INTS4: variants seen among roughly 807,000 people sequenced by gnomAD.
INTS4 encodes integrator complex subunit 4, also known as MSTP093.
A neutral mutation model predicts 119.5 loss-of-function variants in INTS4; 70 were observed. That is an observed-to-expected ratio of 0.59 (90% CI 0.48 to 0.71). The LOEUF (loss-of-function observed/expected upper bound fraction) is 0.71, where lower values mean the gene tolerates loss of function less well. INTS4 is among the 30% of genes least tolerant of loss of function. The probability of loss-of-function intolerance (pLI) is 0.00; values close to 1 mark genes in which losing one functional copy is unlikely to be tolerated. For synonymous variants in INTS4, 316 were observed against 419.6 expected (o/e 0.75, Z 3.02); for missense variants, 867 against 1,173.2 (o/e 0.74, Z 3.81).
At chr11:77,948,598 G>A (rs189660364) in intron 8 of INTS4, among the ~76,000 whole-genome samples, 82 of 145,112 alleles carry the variant, frequency 5.7e-4, no homozygotes, top group African/African-American at 1.8e-3. Context: ...AGTGAGTTGA[G>A]ATCACACCAG....
In INTS4 at chr11:77,925,493, A is replaced by G. The variant is rs544062596; in HGVS notation, c.1372-601T>C. ...TCTCTCAATTTATTAAAAAAACACA[A>G]TATCTGCAAAGCCCAATAAAGAGAG... is the stretch of plus-strand genomic sequence containing the variant. On this transcript the variant is annotated intron_variant, in intron 11 of 22. Coordinates refer to ENST00000534064, the MANE Select transcript of INTS4 (RefSeq NM_033547.4). Among the ~76,000 whole-genome samples, 3 of 152,336 alleles carry G rather than the reference A, an allele frequency of 2.0e-5. No homozygotes were observed. The South Asian group carries it at 6.2e-4, about 32-fold the overall frequency.
At chr11:77,953,137 C>G (rs1213994212) in intron 8 of INTS4, among the ~76,000 whole-genome samples, 2 of 152,162 alleles carry the variant, frequency 1.3e-5, no homozygotes, top group East Asian at 1.9e-4. Context: ...AGCAAATACT[C>G]CCATAAATAC....
At chr11:77,876,467 G>A (rs1327637753), downstream of INTS4, among the ~76,000 whole-genome samples, 2 of 150,482 alleles carry the variant, frequency 1.3e-5, no homozygotes, top group Non-Finnish European at 2.9e-5. Context: ...AAATTCTCAT[G>A]TTCCCCAGAA....
At chr11:77,928,575 C>T in intron 10 of INTS4, 28 bp from the exon 11 acceptor site, 1 of 1,548,098 alleles carries the variant, frequency 6.5e-7, no homozygotes, top group South Asian at 1.2e-5. Context: ...TGAAATTGCA[C>T]ATCAGGCTGG....
chr11:77,966,759 TAAGTC>T (rs1394085907), intron 4 of INTS4, among the ~76,000 whole-genome samples: 1 of 152,252 alleles, frequency 6.6e-6, no homozygotes, highest in Non-Finnish European at 1.5e-5. Flanking sequence ...GTTTTGCTAT[TAAGTC>T]TTTTGTGGTT....
chr11:77,900,663 A>G (rs1207333690), intron 18 of INTS4: 1 of 692,844 alleles, frequency 1.4e-6, no homozygotes, highest in African/African-American at 1.8e-5. Context: ...CATTCTTAAG[A>G]TGCACCTTTA....
chr11:77,891,741 G>A lies in INTS4; in HGVS notation c.2388C>T (p.Val796=). ...GTCGCAGCATGGTCTGTAGAATTTT[G>A]ACCACTTCTGCAGGTTTGGATGTCA... is the stretch of plus-strand genomic sequence containing the variant. ...RLMTSKPAEV[V]KILQTMLRQS... Residue 796 remains valine, a synonymous_variant, in exon 20 of 23, where the codon GTC becomes GTT. Coordinates refer to ENST00000534064, the MANE Select transcript of INTS4 (RefSeq NM_033547.4). 6.2e-7 allele frequency: 1 copy of A among 1,611,950 alleles called. No homozygotes were observed. The highest frequency in any genetic ancestry group is 8.5e-7 in the Non-Finnish European group (1 of 1,179,838).
intron 7 of INTS4, among the ~76,000 whole-genome samples, chr11:77,957,072 C>T (rs1269667722): frequency 6.6e-6 from 1 of 152,030 alleles, no homozygotes; most frequent in African/African-American, 2.4e-5. Context: ...GTAGCCGGGA[C>T]TACAAAAGCA....
rs373301977 is a variant in INTS4, at chr11:77,992,290, C to T, written c.55-991G>A. Among the ~76,000 whole-genome samples, 95 of 151,836 alleles carry T rather than the reference C, an allele frequency of 6.3e-4. 2 individuals are homozygous for T. Among genetic ancestry groups the T allele is most frequent in the African/African-American group, 2.3e-3 (94 of 41,448 alleles). Reference sequence around the variant, plus strand: ...GTGTATGCCTGCAGTCCCAGCTATGCAGGAGGCTGAGGATTGCGTGAACCC... The same window carrying T: ...GTGTATGCCTGCAGTCCCAGCTATGTAGGAGGCTGAGGATTGCGTGAACCC... On this transcript the variant is annotated intron_variant, in intron 1 of 22. Coordinates refer to ENST00000534064, the MANE Select transcript of INTS4 (RefSeq NM_033547.4).
At chr11:77,990,701 A>AAC (rs1856646299) in intron 2 of INTS4, among the ~76,000 whole-genome samples, 1 of 151,854 alleles carries the variant, frequency 6.6e-6, no homozygotes, top group South Asian at 2.1e-4. Flanking sequence ...AAAAAAAAAA[A>AAC]AAAATGTATT....
intron 3 of INTS4, among the ~76,000 whole-genome samples, chr11:77,979,317 T>G (rs894637550): frequency 1.3e-5 from 2 of 151,342 alleles, no homozygotes; most frequent in African/African-American, 4.9e-5. Context: ...CAAAAATAAA[T>G]CTGAAAAAAT....
At chr11:77,921,675 T>G (rs1313779985) in intron 13 of INTS4, among the ~76,000 whole-genome samples, 1 of 152,144 alleles carries the variant, frequency 6.6e-6, no homozygotes, top group Admixed American at 6.5e-5. Context: ...TGCCAGAGAC[T>G]GCCAAGAATA....
intron 2 of INTS4, 78 bp downstream of exon 2, chr11:77,991,030 A>G: frequency 8.0e-7 from 1 of 1,243,004 alleles, no homozygotes; most frequent in Non-Finnish European, 1.2e-6. Flanking sequence ...TACCCTATTT[A>G]TTTGTAATAT....
chr11:77,973,047 G>T (rs1278409524), intron 4 of INTS4, among the ~76,000 whole-genome samples: 3 of 152,018 alleles, frequency 2.0e-5, no homozygotes, highest in Non-Finnish European at 4.4e-5. Context: ...TCACTGAGTT[G>T]CCCAGGCTGG....
At chr11:77,968,203 T>C (rs578164314) in intron 4 of INTS4, among the ~76,000 whole-genome samples, 2 of 152,322 alleles carry the variant, frequency 1.3e-5, no homozygotes, top group Non-Finnish European at 1.5e-5. Flanking sequence ...CATTATTATG[T>C]GATGCATGCT....
intron 16 of INTS4, among the ~76,000 whole-genome samples, chr11:77,906,184 T>C (rs1475721338): frequency 6.6e-6 from 1 of 152,234 alleles, no homozygotes; most frequent in African/African-American, 2.4e-5. Context: ...TTTGGGATTA[T>C]GATTGGCTCC....
At chr11:77,949,434 C>T (rs998593038) in intron 8 of INTS4, among the ~76,000 whole-genome samples, 1 of 150,484 alleles carries the variant, frequency 6.6e-6, no homozygotes, top group African/African-American at 2.4e-5. Flanking sequence ...AACAAGCAAC[C>T]TACAGAATGG....
downstream of INTS4, among the ~76,000 whole-genome samples, chr11:77,874,453 CTAAG>C (rs756628996): frequency 5.3e-5 from 8 of 151,598 alleles, no homozygotes; most frequent in African/African-American, 1.5e-4. Flanking sequence ...ATCATTCTTC[CTAAG>C]TGAGTTGTCT....
At chr11:77,888,410 T>C (rs1316522072) in intron 21 of INTS4, among the ~76,000 whole-genome samples, 8 of 152,182 alleles carry the variant, frequency 5.3e-5, no homozygotes, top group Admixed American at 2.0e-4. Context: ...TTATGCCTTA[T>C]ACAAAAATTA....
Sources: gnomAD v4.1 joint callset for allele counts (sites outside exome capture counted in the v4.1 genomes callset) on GRCh38, gnomAD v4.1.1 for gene constraint, MANE v1.5 for transcripts, NCBI Gene and HGNC (gene_info 2026-07-23, HGNC 2026-07-21) for gene names.